OR4N2: variants seen among roughly 807,000 people sequenced by gnomAD.
The protein encoded by OR4N2 is olfactory receptor family 4 subfamily N member 2.
For missense variants in OR4N2, 307 were observed against 377.6 expected, an observed-to-expected ratio of 0.81 and a Z score of 1.55; for synonymous variants, 141 against 140.4, an observed-to-expected ratio of 1.00 and a Z score of -0.03.
At chr14:19,826,169 T>C (rs1413940744) in intron 1 of OR4N2, among the ~76,000 whole-genome samples, 2 of 152,264 alleles carry the variant, frequency 1.3e-5, no homozygotes, top group African/African-American at 2.4e-5. Context: ...CTTTCTATAC[T>C]TCAGTGGATT....
intron 1 of OR4N2, among the ~76,000 whole-genome samples, chr14:19,817,412 A>G (rs1187218806): frequency 6.6e-6 from 1 of 152,198 alleles, no homozygotes; most frequent in African/African-American, 2.4e-5. Context: ...TTCCTGGTTC[A>G]GTCTTGGGAG....
chr14:19,807,980 A>T (rs1392472191), intron 1 of OR4N2, among the ~76,000 whole-genome samples: 1 of 152,202 alleles, frequency 6.6e-6, no homozygotes, highest in African/African-American at 2.4e-5. Flanking sequence ...TAAGAGACAA[A>T]AACCACATGA....
At chr14:19,816,421 G>A (rs1176742092) in intron 1 of OR4N2, among the ~76,000 whole-genome samples, 3 of 152,210 alleles carry the variant, frequency 2.0e-5, no homozygotes, top group Admixed American at 2.0e-4. Context: ...CATATCCCTT[G>A]TTAGTTGTAT....
At chr14:19,809,676 G>C (rs1879249856) in intron 1 of OR4N2, among the ~76,000 whole-genome samples, 2 of 152,210 alleles carry the variant, frequency 1.3e-5, no homozygotes, top group South Asian at 4.1e-4. Flanking sequence ...GGAACATAAT[G>C]AGAGGCCAGA....
At chr14:19,813,127 A>G (rs974774830) in intron 1 of OR4N2, among the ~76,000 whole-genome samples, 21 of 152,260 alleles carry the variant, frequency 1.4e-4, no homozygotes, top group African/African-American at 5.1e-4. Flanking sequence ...ATCCTGGATT[A>G]TATGCACAAT....
intron 1 of OR4N2, among the ~76,000 whole-genome samples, chr14:19,816,372 CT>C (rs1221631612): frequency 6.6e-6 from 1 of 152,148 alleles, no homozygotes; most frequent in Non-Finnish European, 1.5e-5. Flanking sequence ...TCTCTTTTTC[CT>C]TGAGCGGTGG....
intron 1 of OR4N2, among the ~76,000 whole-genome samples, chr14:19,817,728 A>T (rs1222381285): frequency 3.3e-4 from 50 of 152,170 alleles, no homozygotes; most frequent in Non-Finnish European, 6.3e-4. Context: ...GTCTTCTGCT[A>T]GCTTTTGAAT....
rs1437254603 is a variant in OR4N2, at chr14:19,829,649, A to G, written c.*1277A>G. ...TAACAAATCGCCCCTAGTATAACAGAAGCCTCTCCTACTGCATCCCTTTAA... is the reference window on the plus strand; with the variant it reads ...TAACAAATCGCCCCTAGTATAACAGGAGCCTCTCCTACTGCATCCCTTTAA... On this transcript the variant is annotated 3_prime_UTR_variant, in exon 2 of 2. Coordinates refer to ENST00000557677, the MANE Select transcript of OR4N2 (RefSeq NM_001004723.3). The G allele has an allele frequency of 6.6e-6, 1 of 152,274 alleles. No homozygotes were observed. The highest frequency in any genetic ancestry group is 1.5e-5 in the Non-Finnish European group (1 of 68,054). 9.4% of individuals were successfully genotyped at this position (152,274 alleles called of 1,614,324 possible). A position where few individuals can be genotyped will look rare whatever the true frequency, so the allele number is the denominator to read the frequency against.
rs1183857903 is a variant in OR4N2 at position 19,815,619 on chromosome 14, A to T, written c.-10+11775A>T. Among the ~76,000 whole-genome samples the T allele has an allele frequency of 2.0e-5, 3 of 149,138 alleles. No individual in the cohort carries two copies. The East Asian group carries it at 5.9e-4, about 29-fold the overall frequency. On this transcript the variant is annotated intron_variant, in intron 1 of 1. Transcript: ENST00000557677. ...TTGCAAAAATTTCCTCCCATTCTGT[A>T]GGTTGACTGTCCACTCTGATGAGAG...
In OR4N2 at chr14:19,811,811, G is replaced by A. The variant is rs190657616; in HGVS notation, c.-10+7967G>A. On this transcript the variant is annotated intron_variant, in intron 1 of 1. Transcript: ENST00000557677. ...AAGGGAGCCTCTCCAGTCCAATAAA[G>A]GGCAATTATGAAAAACCTATAGCAA... is the stretch of plus-strand genomic sequence containing the variant. Among the ~76,000 whole-genome samples, 331 of 152,274 alleles carry A rather than the reference G, an allele frequency of 2.2e-3. 1 individual carries two copies. The highest frequency in any genetic ancestry group is 7.6e-3 in the African/African-American group (317 of 41,530).
intron 1 of OR4N2, among the ~76,000 whole-genome samples, chr14:19,817,645 G>C (rs144112800): frequency 3.0e-4 from 46 of 152,226 alleles, no homozygotes; most frequent in Non-Finnish European, 2.4e-4. Context: ...CCAGCTCCTG[G>C]ATTCACTGAT....
intron 1 of OR4N2, among the ~76,000 whole-genome samples, chr14:19,811,525 C>A (rs576302997): frequency 1.3e-5 from 2 of 152,360 alleles, no homozygotes; most frequent in Non-Finnish European, 2.9e-5. Flanking sequence ...GGACTATAGG[C>A]GTGAGCCACC....
At chr14:19,825,061 GA>G (rs1432051695) in intron 1 of OR4N2, among the ~76,000 whole-genome samples, 1 of 152,244 alleles carries the variant, frequency 6.6e-6, no homozygotes, top group Non-Finnish European at 1.5e-5. Context: ...GGCAAAGGGG[GA>G]AAGGTTAAGA....
intron 1 of OR4N2, among the ~76,000 whole-genome samples, chr14:19,818,538 A>T (rs1458326607): frequency 6.6e-6 from 1 of 152,078 alleles, no homozygotes; most frequent in African/African-American, 2.4e-5. Flanking sequence ...ATGCTTGGTA[A>T]ATTTTCCTCC....
chr14:19,826,180 A>G (rs1394158376), intron 1 of OR4N2, among the ~76,000 whole-genome samples: 1 of 152,266 alleles, frequency 6.6e-6, no homozygotes, highest in Non-Finnish European at 1.5e-5. Context: ...TCAGTGGATT[A>G]TCATGTGCAC....
At position 19,826,624 on chromosome 14, in the gene OR4N2, T is replaced by C. The variant is rs1191131217; in HGVS notation, c.-9-816T>C. Among the ~76,000 whole-genome samples the C allele has an allele frequency of 3.9e-5, 6 of 152,272 alleles. No individual in the cohort carries two copies. The East Asian group carries it at 9.6e-4, about 24-fold the overall frequency. ...ATTTTAAAGTTTTATACTTGCAAATTTTATATTGTAGCATATTGTTTGTTA... is the reference window on the plus strand; with the variant it reads ...ATTTTAAAGTTTTATACTTGCAAATCTTATATTGTAGCATATTGTTTGTTA... On this transcript the variant is annotated intron_variant, in intron 1 of 1. Coordinates refer to ENST00000557677, the MANE Select transcript of OR4N2 (RefSeq NM_001004723.3).
chr14:19,811,237 T>C (rs1297995626), intron 1 of OR4N2, among the ~76,000 whole-genome samples: 2 of 152,214 alleles, frequency 1.3e-5, no homozygotes, highest in African/African-American at 4.8e-5. Context: ...AACATACACA[T>C]ATGATTTTAT....
intron 1 of OR4N2, among the ~76,000 whole-genome samples, chr14:19,823,339 C>G (rs1229721731): frequency 2.0e-5 from 3 of 152,158 alleles, no homozygotes; most frequent in African/African-American, 7.2e-5. Context: ...TCATTTTTAT[C>G]AGGTTCACTT....
chr14:19,829,814 G>A lies in OR4N2; in HGVS notation c.*1442G>A, dbSNP rs981567650. The A allele has an allele frequency of 3.3e-5, 5 of 152,220 alleles. No individual in the cohort carries two copies. Among genetic ancestry groups the A allele is most frequent in the Non-Finnish European group, 7.3e-5 (5 of 68,050 alleles). The allele number at this position is 152,220 out of a possible 1,614,324, so 9.4% of individuals were successfully genotyped here. A position where few individuals can be genotyped will look rare whatever the true frequency, so the allele number is the denominator to read the frequency against. On this transcript the variant is annotated 3_prime_UTR_variant, in exon 2 of 2. Coordinates refer to ENST00000557677, the MANE Select transcript of OR4N2 (RefSeq NM_001004723.3). Reference sequence around the variant, plus strand: ...TGATAATCGCCAAAGTTTATACTTAGGAATATAAATTTTGTACATGGTAAA... The same window carrying A: ...TGATAATCGCCAAAGTTTATACTTAAGAATATAAATTTTGTACATGGTAAA...
Sources: gnomAD v4.1 joint callset for allele counts (sites outside exome capture counted in the v4.1 genomes callset) on GRCh38, gnomAD v4.1.1 for gene constraint, MANE v1.5 for transcripts, NCBI Gene and HGNC (gene_info 2026-07-23, HGNC 2026-07-21) for gene names.